The following SEMA3E variants were observed in gnomAD, a reference collection of about 807,000 sequenced individuals.
The protein encoded by SEMA3E is semaphorin-3E.
SEMA3E carries 49 observed loss-of-function variants against 93.6 expected under a neutral mutation model. The observed-to-expected ratio is 0.52, with a 90% CI of 0.42 to 0.66. The LOEUF (loss-of-function observed/expected upper bound fraction) is 0.66. SEMA3E is among the 30% of genes least tolerant of loss of function. The probability of loss-of-function intolerance (pLI) is 0.00; values close to 1 mark genes in which losing one functional copy is unlikely to be tolerated. For synonymous variants in SEMA3E, 363 were observed against 330.7 expected (o/e 1.10, Z -1.06); for missense variants, 906 against 964.8 (o/e 0.94, Z 0.81).
chr7:83,499,131 C>A (rs2115592148), intron 1 of SEMA3E, among the ~76,000 whole-genome samples: 1 of 152,248 alleles, frequency 6.6e-6, no homozygotes, highest in African/African-American at 2.4e-5. Context: ...GTATGGATCA[C>A]CTGCGGTGGG....
At chr7:83,641,363 C>A in intron 1 of SEMA3E, 1 of 985,252 alleles carries the variant, frequency 1.0e-6, no homozygotes. Context: ...AAGTGGGAGA[C>A]TTTCTTTCAC....
chr7:83,400,656 T>C (rs935970805), intron 10 of SEMA3E, among the ~76,000 whole-genome samples: 1 of 152,132 alleles, frequency 6.6e-6, no homozygotes, highest in African/African-American at 2.4e-5. Flanking sequence ...TTGGAAAGGC[T>C]AAATTATTTC....
At chr7:83,499,446 A>C (rs1053515750) in intron 1 of SEMA3E, among the ~76,000 whole-genome samples, 7 of 152,154 alleles carry the variant, frequency 4.6e-5, no homozygotes, top group African/African-American at 1.7e-4. Flanking sequence ...AATTTCTCTT[A>C]TTATAAGGTG....
At chr7:83,440,930 T>C (rs1789101533) in intron 4 of SEMA3E, among the ~76,000 whole-genome samples, 1 of 152,268 alleles carries the variant, frequency 6.6e-6, no homozygotes, top group African/African-American at 2.4e-5. Flanking sequence ...AGAAGTTATA[T>C]TAGAGCCAGA....
At position 83,418,632 on chromosome 7, in the gene SEMA3E, G is replaced by A. The variant is rs1431537196; in HGVS notation, c.457-149C>T. 4.3e-6 allele frequency: 3 copies of A among 694,634 alleles called. No individual in the cohort carries two copies. The Admixed American group carries it at 6.5e-5, about 15-fold the overall frequency. 43.0% of individuals were successfully genotyped at this position (694,634 alleles called of 1,614,324 possible). The stretch of plus-strand genomic sequence containing the variant: ...GCATCAATTTATTTAGAGACAAACT[G>A]GGTTTTATAAATAAGCACATGTGTT... On this transcript the variant is annotated intron_variant, in intron 4 of 16. Transcript: ENST00000643230.
chr7:83,382,956 C>CCACATGAATATGAAG (rs1300529408), intron 16 of SEMA3E, among the ~76,000 whole-genome samples: 1 of 151,888 alleles, frequency 6.6e-6, no homozygotes, highest in Non-Finnish European at 1.5e-5. Flanking sequence ...AAAACTTTAT[C>CCACATGAATATGAAG]CACATGAATA....
chr7:83,645,459 C>T (rs1794067072), intron 1 of SEMA3E, among the ~76,000 whole-genome samples: 1 of 151,982 alleles, frequency 6.6e-6, no homozygotes, highest in African/African-American at 2.4e-5. Flanking sequence ...ATCTTTGCTA[C>T]ATTTTTACTT....
At chr7:83,544,292 G>T (rs1220724413) in intron 1 of SEMA3E, among the ~76,000 whole-genome samples, 2 of 152,026 alleles carry the variant, frequency 1.3e-5, no homozygotes, top group Non-Finnish European at 2.9e-5. Context: ...TACAGTGCTT[G>T]AACAAATCCA....
At chr7:83,380,463 C>T (rs1418648137) in intron 16 of SEMA3E, among the ~76,000 whole-genome samples, 1 of 151,848 alleles carries the variant, frequency 6.6e-6, no homozygotes, top group Non-Finnish European at 1.5e-5. Flanking sequence ...CTCATTTTTG[C>T]ATCCTCATTT....
intron 1 of SEMA3E, among the ~76,000 whole-genome samples, chr7:83,596,009 TTTC>T (rs1291022118): frequency 1.3e-5 from 2 of 152,218 alleles, no homozygotes; most frequent in East Asian, 3.9e-4. Flanking sequence ...CTAATGAGGA[TTTC>T]TTATTTTCCT....
intron 13 of SEMA3E, 51 bp from the exon 14 acceptor site, chr7:83,392,772 G>A: frequency 6.6e-7 from 1 of 1,518,290 alleles, no homozygotes; most frequent in Non-Finnish European, 9.1e-7. Context: ...AACTTTCACT[G>A]AGCTATTACA....
intron 1 of SEMA3E, among the ~76,000 whole-genome samples, chr7:83,625,501 G>C (rs1793651897): frequency 6.7e-6 from 1 of 150,244 alleles, no homozygotes; most frequent in South Asian, 2.1e-4. Flanking sequence ...TCATGATTTG[G>C]CTCTCTGTCT....
chr7:83,607,095 G>A (rs1479137000), intron 1 of SEMA3E, among the ~76,000 whole-genome samples: 2 of 152,154 alleles, frequency 1.3e-5, no homozygotes, highest in Non-Finnish European at 2.9e-5. Context: ...TCAACCATTT[G>A]GGTGATGCTG....
intron 1 of SEMA3E, among the ~76,000 whole-genome samples, chr7:83,532,875 G>A (rs1416368167): frequency 4.6e-5 from 7 of 151,862 alleles, no homozygotes; most frequent in East Asian, 1.9e-4. Context: ...TAATTAACAC[G>A]TGATGTGATC....
Position 83,365,517 on chromosome 7 carries a change from A to G in SEMA3E, c.*2069T>C, listed in dbSNP as rs1255175726. ...TTCTTTTCTGGTTAATAGTCACTTTATTTTAATCAAACGCTCTTCAGTATA... is the reference window on the plus strand; with the variant it reads ...TTCTTTTCTGGTTAATAGTCACTTTGTTTTAATCAAACGCTCTTCAGTATA... On this transcript the variant is annotated 3_prime_UTR_variant, in exon 17 of 17. Coordinates refer to ENST00000643230, the MANE Select transcript of SEMA3E (RefSeq NM_012431.3). 1 of 152,022 alleles carries G rather than the reference A, an allele frequency of 6.6e-6. No homozygotes were observed. Among genetic ancestry groups the G allele is most frequent in the East Asian group, 1.9e-4 (1 of 5,186 alleles). The allele number at this position is 152,022 out of a possible 1,614,324, so 9.4% of individuals were successfully genotyped here.
At chr7:83,481,030 CT>C (rs1405460754) in intron 2 of SEMA3E, among the ~76,000 whole-genome samples, 6 of 152,080 alleles carry the variant, frequency 3.9e-5, no homozygotes, top group African/African-American at 4.8e-5. Context: ...AATGAGGACT[CT>C]TTTAATAAAA....
chr7:83,405,872 T>C lies in SEMA3E; in HGVS notation c.928+73A>G, dbSNP rs1788319292. 2.7e-6 allele frequency: 3 copies of C among 1,118,602 alleles called. No homozygotes were observed. The South Asian group carries it at 3.7e-5, about 14-fold the overall frequency. The allele number at this position is 1,118,602 out of a possible 1,614,324, so 69.3% of individuals were successfully genotyped here. A position where few individuals can be genotyped will look rare whatever the true frequency, so the allele number is the denominator to read the frequency against. On this transcript the variant is annotated intron_variant, in intron 8 of 16. Coordinates refer to ENST00000643230, the MANE Select transcript of SEMA3E (RefSeq NM_012431.3). The stretch of plus-strand genomic sequence containing the variant: ...CAAATACACAGAAAGCAAGTTTCTA[T>C]GTGTCCTAGGGATAAAGTTATAAAG...
intron 1 of SEMA3E, among the ~76,000 whole-genome samples, chr7:83,646,702 A>G (rs550645747): frequency 6.6e-6 from 1 of 152,212 alleles, no homozygotes; most frequent in African/African-American, 2.4e-5. Flanking sequence ...TAAGTGACAT[A>G]ATAAAGATGA....
intron 4 of SEMA3E, among the ~76,000 whole-genome samples, chr7:83,455,702 C>G (rs1388825919): frequency 6.6e-6 from 1 of 152,210 alleles, no homozygotes; most frequent in Non-Finnish European, 1.5e-5. Flanking sequence ...ATGATTCCCT[C>G]TTAGTAAACT....
Sources: allele counts gnomAD v4.1 joint callset (sites outside exome capture counted in the v4.1 genomes callset), GRCh38; gene constraint gnomAD v4.1.1; transcripts MANE v1.5; gene names NCBI Gene and HGNC (gene_info 2026-07-23, HGNC 2026-07-21).